ADGRL3: variants seen among roughly 807,000 people sequenced by gnomAD.
ADGRL3 encodes calcium-independent alpha-latrotoxin receptor 3.
ADGRL3 carries 62 observed loss-of-function variants against 153.5 expected under a neutral mutation model. That is an observed-to-expected ratio of 0.40 (90% CI 0.33 to 0.50). The LOEUF (loss-of-function observed/expected upper bound fraction) is 0.50. ADGRL3 is among the 20% of genes least tolerant of loss of function. ADGRL3 has a pLI of 0.47. For missense variants in ADGRL3, 1,641 were observed against 1,859.4 expected (o/e 0.88, Z 2.16); for synonymous variants, 710 against 672.5 (o/e 1.06, Z -0.86).
At chr4:61,388,713 A>G (rs1438178956) in intron 2 of ADGRL3, among the ~76,000 whole-genome samples, 3 of 152,076 alleles carry the variant, frequency 2.0e-5, no homozygotes, top group African/African-American at 7.2e-5. Flanking sequence ...TCCATCTTCA[A>G]CCTTCTCTGC....
chr4:61,473,038 T>G (rs573148408), intron 2 of ADGRL3, among the ~76,000 whole-genome samples: 1 of 152,258 alleles, frequency 6.6e-6, no homozygotes, highest in East Asian at 1.9e-4. Flanking sequence ...GACATTGGAT[T>G]TGACAATAAG....
chr4:61,915,045 T>C lies in ADGRL3; in HGVS notation c.2112+2288T>C, dbSNP rs1441248346. ...TGAATGTGAAGTGAAGCCATTAGAA[T>C]AAGGCTAATAAAGGCATTTTGTGAA... On this transcript the variant is annotated intron_variant, in intron 13 of 26. Transcript: ENST00000683033. Among the ~76,000 whole-genome samples, 4 of 152,030 alleles carry C rather than the reference T, an allele frequency of 2.6e-5. No individual in the cohort carries two copies. The East Asian group carries it at 7.7e-4, about 29-fold the overall frequency.
chr4:61,800,070 T>G (rs536323605), intron 8 of ADGRL3, among the ~76,000 whole-genome samples: 52 of 152,268 alleles, frequency 3.4e-4, no homozygotes, highest in African/African-American at 9.6e-4. Flanking sequence ...CCATTGAACC[T>G]CTTGTGTACT....
chr4:61,257,927 T>C (rs1272970668), intron 1 of ADGRL3, among the ~76,000 whole-genome samples: 2 of 151,816 alleles, frequency 1.3e-5, no homozygotes, highest in African/African-American at 4.8e-5. Context: ...TTGGGGAAAA[T>C]GTGTGTGTGG....
chr4:61,896,431 A>C (rs1432118470), intron 11 of ADGRL3, among the ~76,000 whole-genome samples: 1 of 152,146 alleles, frequency 6.6e-6, no homozygotes, highest in Non-Finnish European at 1.5e-5. Flanking sequence ...TTATTATAGC[A>C]ATTTATGTGG....
At chr4:61,672,838 G>T (rs538100799) in intron 5 of ADGRL3, among the ~76,000 whole-genome samples, 2 of 152,082 alleles carry the variant, frequency 1.3e-5, no homozygotes, top group South Asian at 2.1e-4. Context: ...ATATGTAAAA[G>T]AAATGAATCA....
chr4:61,369,214 C>G (rs983780056), intron 1 of ADGRL3, among the ~76,000 whole-genome samples: 4 of 152,102 alleles, frequency 2.6e-5, no homozygotes, highest in African/African-American at 9.7e-5. Flanking sequence ...AATTGAATAC[C>G]CTTTATTTCT....
intron 1 of ADGRL3, among the ~76,000 whole-genome samples, chr4:61,312,225 TA>T (rs1473627745): frequency 6.6e-6 from 1 of 152,112 alleles, no homozygotes; most frequent in African/African-American, 2.4e-5. Context: ...ATGAAAAACA[TA>T]AAAAATGAGT....
chr4:61,317,253 T>C (rs1282238667), intron 1 of ADGRL3, among the ~76,000 whole-genome samples: 1 of 152,170 alleles, frequency 6.6e-6, no homozygotes, highest in Non-Finnish European at 1.5e-5. Context: ...AATCTGGGAG[T>C]GTATCTGGCA....
intron 5 of ADGRL3, among the ~76,000 whole-genome samples, chr4:61,618,347 A>G (rs1056306592): frequency 3.5e-4 from 53 of 152,362 alleles, no homozygotes; most frequent in African/African-American, 1.3e-3. Flanking sequence ...TCAATCAGAC[A>G]AACCAAGATT....
chr4:61,740,856 T>G (rs2096573037), intron 8 of ADGRL3, among the ~76,000 whole-genome samples: 1 of 152,224 alleles, frequency 6.6e-6, no homozygotes, highest in African/African-American at 2.4e-5. Context: ...GAAAGCCGTT[T>G]GAGATTATGT....
At chr4:61,465,013 T>G (rs1315821239) in intron 2 of ADGRL3, among the ~76,000 whole-genome samples, 1 of 152,156 alleles carries the variant, frequency 6.6e-6, no homozygotes, top group African/African-American at 2.4e-5. Flanking sequence ...GATAAATTGT[T>G]TTGCTCAGGA....
chr4:61,690,130 A>G (rs2095513503), intron 6 of ADGRL3, among the ~76,000 whole-genome samples: 1 of 152,144 alleles, frequency 6.6e-6, no homozygotes, highest in Non-Finnish European at 1.5e-5. Flanking sequence ...TCCGTAACAG[A>G]AACTTCATAG....
intron 1 of ADGRL3, among the ~76,000 whole-genome samples, chr4:61,329,494 T>C (rs149182507): frequency 2.4e-4 from 37 of 152,248 alleles, no homozygotes; most frequent in African/African-American, 8.9e-4. Flanking sequence ...AGAAATTTAA[T>C]TTTTTAATTT....
chr4:61,794,762 C>A (rs1194690632), intron 8 of ADGRL3, among the ~76,000 whole-genome samples: 3 of 152,196 alleles, frequency 2.0e-5, no homozygotes, highest in African/African-American at 7.2e-5. Flanking sequence ...GTAAGAGTCA[C>A]TACCTCATAT....
Position 61,369,544 on chromosome 4 carries a change from G to A in ADGRL3, c.-239-13580G>A, listed in dbSNP as rs571959783. On this transcript the variant is annotated intron_variant, in intron 1 of 26. Transcript: ENST00000683033. ...TGCTGGATTACATTTATTGATTTGCGTATATTGAGCCAGCCTTGCATCCCA... is the reference window on the plus strand; with the variant it reads ...TGCTGGATTACATTTATTGATTTGCATATATTGAGCCAGCCTTGCATCCCA... Among the ~76,000 whole-genome samples, 1,062 of 151,976 alleles carry A rather than the reference G, an allele frequency of 7.0e-3. 20 individuals carry two copies. The highest frequency in any genetic ancestry group is 0.024 in the African/African-American group (994 of 41,440).
intron 1 of ADGRL3, among the ~76,000 whole-genome samples, chr4:61,311,850 G>A (rs1477618804): frequency 6.6e-6 from 1 of 152,058 alleles, no homozygotes; most frequent in Non-Finnish European, 1.5e-5. Flanking sequence ...ATATATATTT[G>A]TACACAACCA....
At chr4:61,588,962 G>A (rs1450072678) in intron 5 of ADGRL3, among the ~76,000 whole-genome samples, 1 of 152,026 alleles carries the variant, frequency 6.6e-6, no homozygotes, top group Non-Finnish European at 1.5e-5. Flanking sequence ...TGTAATAGAA[G>A]CATTAGCTCT....
chr4:61,866,881 A>G (rs1004324682), intron 9 of ADGRL3, among the ~76,000 whole-genome samples: 2 of 152,218 alleles, frequency 1.3e-5, no homozygotes, highest in Admixed American at 1.3e-4. Context: ...AAAATTAAAC[A>G]AGACAAAGAA....
Sources: allele counts gnomAD v4.1 joint callset (sites outside exome capture counted in the v4.1 genomes callset), GRCh38; gene constraint gnomAD v4.1.1; transcripts MANE v1.5; gene names NCBI Gene and HGNC (gene_info 2026-07-23, HGNC 2026-07-21).